NINL: variants seen among roughly 807,000 people sequenced by gnomAD.
The protein encoded by NINL is ninein-like protein.
A neutral mutation model predicts 160.3 loss-of-function variants in NINL; 153 were observed. The observed-to-expected ratio is 0.95, with a 90% CI of 0.84 to 1.09. The LOEUF (loss-of-function observed/expected upper bound fraction) is 1.09. Ranked by LOEUF, NINL falls within the 50% of genes least tolerant of loss-of-function variation. The pLI, the probability that NINL is intolerant of heterozygous loss-of-function variation, is 0.00. For synonymous variants in NINL, 800 were observed against 734.8 expected (o/e 1.09, Z -1.43); for missense variants, 1,829 against 1,764.0 (o/e 1.04, Z -0.66).
At chr20:25,548,783 C>G (rs867854957) in intron 1 of NINL, among the ~76,000 whole-genome samples, 3 of 149,556 alleles carry the variant, frequency 2.0e-5, no homozygotes, top group Non-Finnish European at 4.5e-5. Context: ...GGCCACAGCT[C>G]CCACACAGAG....
intron 17 of NINL, among the ~76,000 whole-genome samples, chr20:25,475,395 A>C (rs1408984496): frequency 6.6e-6 from 1 of 152,254 alleles, no homozygotes; most frequent in Non-Finnish European, 1.5e-5. Context: ...GAACACTTCC[A>C]AACTCATTCT....
intron 1 of NINL, among the ~76,000 whole-genome samples, chr20:25,565,241 T>C (rs551160152): frequency 1.5e-4 from 23 of 151,612 alleles, no homozygotes; most frequent in African/African-American, 4.6e-4. Context: ...CTGTTTTCCA[T>C]AACAAAGGCC....
chr20:25,504,025 A>C lies in NINL; in HGVS notation c.788T>G (p.Phe263Cys). The C allele has an allele frequency of 6.2e-7, 1 of 1,613,242 alleles. No individual in the cohort carries two copies. The highest frequency in any genetic ancestry group is 2.2e-5 in the East Asian group (1 of 44,834). The change falls in exon 7 of 24, where the codon TTC (phenylalanine) becomes TGC (cysteine). Residue 263 changes from phenylalanine (F) to cysteine (C), a missense_variant. Physicochemically the swap from Phe to Cys is radical, Grantham distance 205. Coordinates refer to ENST00000278886, the MANE Select transcript of NINL (RefSeq NM_025176.6). Reference sequence around the variant, plus strand: ...TAGAAGTAGCGCGGGCTCATGACTGAAGAGGCCAAGCTGGAATTCCTCAAG... The same window carrying C: ...TAGAAGTAGCGCGGGCTCATGACTGCAGAGGCCAAGCTGGAATTCCTCAAG... Reference protein sequence around the residue: ...VSLEEFQLGLFSHEPALLLES... With the variant: ...VSLEEFQLGLCSHEPALLLES...
intron 8 of NINL, chr20:25,499,097 G>A: frequency 9.1e-6 from 9 of 985,472 alleles, no homozygotes; most frequent in Non-Finnish European, 1.1e-5. Flanking sequence ...GGCTGAAGCA[G>A]GTGCCAGGAC....
intron 17 of NINL, among the ~76,000 whole-genome samples, chr20:25,471,268 G>A (rs1282492760): frequency 6.6e-6 from 1 of 152,136 alleles, no homozygotes; most frequent in Non-Finnish European, 1.5e-5. Flanking sequence ...TCACAGATGT[G>A]AGCCACCACG....
intron 8 of NINL, 87 bp from the exon 9 acceptor site, chr20:25,498,433 A>G (rs748132197): frequency 2.1e-4 from 323 of 1,524,936 alleles, no homozygotes; most frequent in Non-Finnish European, 4.7e-5. Context: ...TCCAGGGCCT[A>G]GCCCAGCATG....
At chr20:25,473,475 A>G (rs149854828) in intron 17 of NINL, among the ~76,000 whole-genome samples, 2 of 130,836 alleles carry the variant, frequency 1.5e-5, no homozygotes, top group East Asian at 3.0e-4. Context: ...AAAATAAAAT[A>G]TAAAATAAAA....
chr20:25,509,412 C>T (rs1040713568), intron 5 of NINL, among the ~76,000 whole-genome samples: 3 of 152,264 alleles, frequency 2.0e-5, no homozygotes, highest in African/African-American at 7.2e-5. Context: ...TCCTTGAGCA[C>T]TGCAGCCCTG....
In NINL at chr20:25,453,541, G is replaced by A; in HGVS notation, c.4059C>T (p.Gly1353=). Residue 1353 remains glycine (G), a synonymous_variant, in exon 24 of 24, where the codon GGC becomes GGT. Coordinates refer to ENST00000278886, the MANE Select transcript of NINL (RefSeq NM_025176.6). The part of the protein sequence containing the change: ...ALQATEEKQR[G]AEKQSRLLEE... ...CCAAGAGGCGGCTTTGTTTCTCGGCGCCTCGCTGCTTCTCCTCGGTGGCCT... is the reference window on the plus strand; with the variant it reads ...CCAAGAGGCGGCTTTGTTTCTCGGCACCTCGCTGCTTCTCCTCGGTGGCCT... The A allele has an allele frequency of 1.2e-6, 2 of 1,614,092 alleles. No homozygotes were observed. The highest frequency in any genetic ancestry group is 1.3e-5 in the African/African-American group (1 of 75,054).
At chr20:25,539,012 G>A (rs936122695) in intron 1 of NINL, among the ~76,000 whole-genome samples, 1 of 152,182 alleles carries the variant, frequency 6.6e-6, no homozygotes, top group Non-Finnish European at 1.5e-5. Flanking sequence ...CATGAGTGCT[G>A]CCCTTTAGTG....
chr20:25,554,636 C>CAAAACAAAACAAAACAAAA (rs1195606239), intron 1 of NINL, among the ~76,000 whole-genome samples: 59 of 85,752 alleles, frequency 6.9e-4, no homozygotes, highest in African/African-American at 2.8e-3. Flanking sequence ...AAAAAAAAAA[C>CAAAACAAAACAAAACAAAA]AAAAAAAAAA....
chr20:25,540,022 C>T, intron 1 of NINL: 2 of 1,288,670 alleles, frequency 1.6e-6, no homozygotes, highest in Non-Finnish European at 2.0e-6. Context: ...CACTGTTTAC[C>T]TGCGCAGTTC....
Position 25,462,301 on chromosome 20 carries a change from C to T in NINL, c.3582+82G>A, listed in dbSNP as rs551024776. The T allele has an allele frequency of 1.0e-4, 141 of 1,345,392 alleles. 2 individuals are homozygous for T. The African/African-American group carries it at 1.9e-3, about 18-fold the overall frequency. The allele number at this position is 1,345,392 out of a possible 1,614,324, so 83.3% of individuals were successfully genotyped here. Reference sequence around the variant, plus strand: ...TCACTTCCCTCCAGGCTCCTCAGCGCGTGTCCTGACCTATTTGCAGCCGCC... The same window carrying T: ...TCACTTCCCTCCAGGCTCCTCAGCGTGTGTCCTGACCTATTTGCAGCCGCC... On this transcript the variant is annotated intron_variant, in intron 20 of 23. Transcript: ENST00000278886.
chr20:25,574,931 A>G (rs544758023), intron 1 of NINL, among the ~76,000 whole-genome samples: 12 of 152,280 alleles, frequency 7.9e-5, no homozygotes, highest in Non-Finnish European at 1.0e-4. Context: ...AAGACAAATG[A>G]TGACGAAAAA....
At chr20:25,468,554 G>T (rs1390660585) in intron 18 of NINL, among the ~76,000 whole-genome samples, 1 of 127,278 alleles carries the variant, frequency 7.9e-6, no homozygotes, top group Non-Finnish European at 1.6e-5. Flanking sequence ...GACTCTCACT[G>T]GTGCGCACCC....
intron 1 of NINL, chr20:25,539,986 A>C (rs1326475424): frequency 7.8e-7 from 1 of 1,281,252 alleles, no homozygotes; most frequent in East Asian, 5.6e-5. Flanking sequence ...GCAGCCTCAC[A>C]ACAAGCAGCT....
intron 14 of NINL, 84 bp downstream of exon 14, chr20:25,481,884 C>T: frequency 1.3e-6 from 2 of 1,523,738 alleles, no homozygotes; most frequent in South Asian, 1.2e-5. Context: ...TCATCTTCAT[C>T]ATCTCCACTC....
chr20:25,466,934 C>A (rs1380578652), intron 19 of NINL, among the ~76,000 whole-genome samples: 1 of 152,208 alleles, frequency 6.6e-6, no homozygotes, highest in Non-Finnish European at 1.5e-5. Flanking sequence ...TAGTGAGACC[C>A]TGTCTCTACT....
chr20:25,512,981 C>G lies in NINL; in HGVS notation c.303G>C (p.Lys101Asn). Residue 101 changes from lysine to asparagine, a missense_variant, in exon 4 of 24, where the codon AAG becomes AAC. By Grantham distance (94) the Lys-to-Asn change is moderately conservative. Coordinates refer to ENST00000278886, the MANE Select transcript of NINL (RefSeq NM_025176.6). ...ESAASSAIPP[K>N]YVNGSKWYGR... is the part of the protein sequence containing the mutation. ...CATACCACTTAGAACCATTCACATA[C>G]TTTGGAGGGATGGCACTGGAGGCAG... is the stretch of plus-strand genomic sequence containing the variant. 1 of 1,601,934 alleles carries G rather than the reference C, an allele frequency of 6.2e-7. No homozygotes were observed. The highest frequency in any genetic ancestry group is 8.5e-7 in the Non-Finnish European group (1 of 1,172,654).
Sources: gnomAD v4.1 joint callset for allele counts (sites outside exome capture counted in the v4.1 genomes callset) on GRCh38, gnomAD v4.1.1 for gene constraint, MANE v1.5 for transcripts, NCBI Gene and HGNC (gene_info 2026-07-23, HGNC 2026-07-21) for gene names.